Variants in BLM observed in about 807,000 individuals in gnomAD.
BLM encodes the protein BLM RecQ like helicase.
Under a neutral mutation model 135.3 loss-of-function variants are expected in BLM, and 95 were observed. That is an observed-to-expected ratio of 0.70 (90% CI 0.59 to 0.83). The LOEUF is 0.83. Ranked by LOEUF, BLM falls within the 40% of genes least tolerant of loss-of-function variation. The pLI, the probability that BLM is intolerant of heterozygous loss-of-function variation, is 0.00. For missense variants in BLM, 1,518 were observed against 1,663.9 expected (o/e 0.91, Z 1.53); for synonymous variants, 520 against 589.2 (o/e 0.88, Z 1.70).
chr15:90,777,695 C>G (rs1432351175), intron 12 of BLM, among the ~76,000 whole-genome samples: 1 of 152,220 alleles, frequency 6.6e-6, no homozygotes, highest in African/African-American at 2.4e-5. Flanking sequence ...AATTCACACA[C>G]TATAAAATTC....
chr15:90,762,392 G>A (rs1350787779), intron 7 of BLM: 1 of 152,900 alleles, frequency 6.5e-6, no homozygotes, highest in African/African-American at 2.4e-5. Flanking sequence ...AGCTGAGAAG[G>A]GCTAGTTTAA....
At chr15:90,809,891 A>G (rs1897368393) in intron 20 of BLM, among the ~76,000 whole-genome samples, 1 of 152,144 alleles carries the variant, frequency 6.6e-6, no homozygotes, top group East Asian at 1.9e-4. Flanking sequence ...ATTTTGTTGT[A>G]GGAAATATTG....
chr15:90,794,683 A>G (rs955625854), intron 16 of BLM, among the ~76,000 whole-genome samples: 28 of 149,868 alleles, frequency 1.9e-4, no homozygotes, highest in African/African-American at 6.6e-4. Flanking sequence ...GGCAGGTAGA[A>G]TATTTTAAAT....
intron 14 of BLM, among the ~76,000 whole-genome samples, chr15:90,786,206 T>C (rs1382172911): frequency 6.6e-6 from 1 of 152,104 alleles, no homozygotes; most frequent in Non-Finnish European, 1.5e-5. Flanking sequence ...CAGCCTGGTC[T>C]TGAACTCCTG....
chr15:90,773,591 C>T (rs1896389295), intron 12 of BLM, among the ~76,000 whole-genome samples: 1 of 110,502 alleles, frequency 9.0e-6, no homozygotes, highest in African/African-American at 3.6e-5. Flanking sequence ...ATTTTTGTCT[C>T]TGTTGAAAGG....
At chr15:90,768,662 A>C (rs1480051441) in intron 10 of BLM, among the ~76,000 whole-genome samples, 1 of 152,084 alleles carries the variant, frequency 6.6e-6, no homozygotes, top group Non-Finnish European at 1.5e-5. Context: ...GCTATTTTCT[A>C]TTACTTCTGC....
At chr15:90,731,977 G>A (rs1895081538) in intron 1 of BLM, among the ~76,000 whole-genome samples, 1 of 152,188 alleles carries the variant, frequency 6.6e-6, no homozygotes, top group East Asian at 1.9e-4. Flanking sequence ...TGGGATTACA[G>A]GCATGAGCCA....
chr15:90,746,419 G>A (rs1338124924), intron 1 of BLM, among the ~76,000 whole-genome samples: 1 of 152,170 alleles, frequency 6.6e-6, no homozygotes, highest in African/African-American at 2.4e-5. Context: ...TGGAGAAAGT[G>A]GGACAAAAGC....
intron 14 of BLM, among the ~76,000 whole-genome samples, chr15:90,789,049 A>G (rs1896832868): frequency 1.3e-5 from 2 of 150,996 alleles, no homozygotes; most frequent in African/African-American, 4.9e-5. Flanking sequence ...GGAGATATAT[A>G]TATATATATA....
chr15:90,719,044 T>G (rs996573866), intron 1 of BLM, among the ~76,000 whole-genome samples: 1 of 152,116 alleles, frequency 6.6e-6, no homozygotes, highest in Non-Finnish European at 1.5e-5. Context: ...CAGGCTGGAG[T>G]GCAGTGGCGC....
intron 10 of BLM, among the ~76,000 whole-genome samples, chr15:90,768,222 C>T (rs369174119): frequency 6.6e-6 from 1 of 152,120 alleles, no homozygotes; most frequent in Non-Finnish European, 1.5e-5. Flanking sequence ...GGATTACAAG[C>T]GTGAGCCACT....
At chr15:90,777,437 G>A (rs1896509181) in intron 12 of BLM, among the ~76,000 whole-genome samples, 1 of 152,206 alleles carries the variant, frequency 6.6e-6, no homozygotes, top group African/African-American at 2.4e-5. Context: ...AGAGGCGTGA[G>A]CCACTGCACC....
chr15:90,762,090 AT>A (rs1403199674), intron 7 of BLM, among the ~76,000 whole-genome samples: 2 of 152,182 alleles, frequency 1.3e-5, no homozygotes, highest in African/African-American at 4.8e-5. Context: ...TAATGGATTT[AT>A]TTTTGTATCA....
At chr15:90,751,728 T>A (rs1895688225) in intron 3 of BLM, 59 bp from the exon 4 acceptor site, 4 of 1,461,890 alleles carry the variant, frequency 2.7e-6, no homozygotes, top group Non-Finnish European at 2.9e-6. Flanking sequence ...GCTCATGCCC[T>A]GTTCTTTCTG....
chr15:90,737,269 T>C (rs762053717), intron 1 of BLM, among the ~76,000 whole-genome samples: 1 of 152,112 alleles, frequency 6.6e-6, no homozygotes, highest in Non-Finnish European at 1.5e-5. Context: ...TGATGGTTTT[T>C]TCTATGAATT....
At chr15:90,743,660 C>T (rs540769726) in intron 1 of BLM, among the ~76,000 whole-genome samples, 1 of 152,096 alleles carries the variant, frequency 6.6e-6, no homozygotes, top group Non-Finnish European at 1.5e-5. Flanking sequence ...CTGCCTCAGC[C>T]TCCTGAGTAG....
At chr15:90,799,139 T>TG (rs1897104329) in intron 17 of BLM, among the ~76,000 whole-genome samples, 2 of 151,426 alleles carry the variant, frequency 1.3e-5, no homozygotes, top group Admixed American at 1.3e-4. Flanking sequence ...CACTCCAGCC[T>TG]GGCAACAGAG....
At chr15:90,747,530 C>T (rs1181252710) in intron 2 of BLM, 40 bp downstream of exon 2, 3 of 1,263,174 alleles carry the variant, frequency 2.4e-6, no homozygotes, top group African/African-American at 3.0e-5. Flanking sequence ...TAGGCACTAA[C>T]TTACCACATT....
At chr15:90,729,960 C>T (rs1895023128) in intron 1 of BLM, among the ~76,000 whole-genome samples, 1 of 152,164 alleles carries the variant, frequency 6.6e-6, no homozygotes, top group South Asian at 2.1e-4. Flanking sequence ...ATTCTCCTGC[C>T]TCAACCTCCC....
Sources: gnomAD v4.1 joint callset for allele counts (sites outside exome capture counted in the v4.1 genomes callset) on GRCh38, gnomAD v4.1.1 for gene constraint, MANE v1.5 for transcripts, NCBI Gene and HGNC (gene_info 2026-07-23, HGNC 2026-07-21) for gene names.